Variants in TENM2 observed in about 807,000 individuals in gnomAD.
TENM2 encodes teneurin-2.
TENM2 carries 52 observed loss-of-function variants against 245.2 expected under a neutral mutation model. That is an observed-to-expected ratio of 0.21 (90% confidence interval 0.17 to 0.27). TENM2 has a LOEUF of 0.27. Among genes scored for constraint, TENM2 ranks in the 10% least tolerant of loss-of-function variants. TENM2 has a pLI of 1.00. For synonymous variants in TENM2, 1,363 were observed against 1,438.9 expected, an observed-to-expected ratio of 0.95 and a Z score of 1.19; for missense variants, 3,046 against 3,666.8, an observed-to-expected ratio of 0.83 and a Z score of 4.37.
intron 2 of TENM2, among the ~76,000 whole-genome samples, chr5:167,837,460 G>C (rs1769105306): frequency 6.6e-6 from 1 of 152,120 alleles, no homozygotes; most frequent in Non-Finnish European, 1.5e-5. Flanking sequence ...CCCAGCACTA[G>C]ATGTTAACAT....
At chr5:167,409,158 G>A (rs548677003) in intron 2 of TENM2, among the ~76,000 whole-genome samples, 2 of 151,854 alleles carry the variant, frequency 1.3e-5, no homozygotes, top group South Asian at 4.1e-4. Flanking sequence ...ACTGAGCAAT[G>A]TCACTTGAAA....
chr5:167,206,634 A>G, the TENM2 span, among the ~76,000 whole-genome samples: 301 of 152,326 alleles, frequency 2.0e-3, 1 homozygote, highest in Middle Eastern at 3.4e-3. Context: ...TGTTAAAATA[A>G]GTAGATGCTT....
intron 25 of TENM2, among the ~76,000 whole-genome samples, chr5:168,228,588 A>AGTAT (rs1764481123): frequency 6.9e-6 from 1 of 145,108 alleles, no homozygotes; most frequent in Non-Finnish European, 1.6e-5. Flanking sequence ...AAACTTTTAA[A>AGTAT]GTATGTTCTT....
In TENM2 at chr5:168,083,483, G is replaced by A. The variant is rs762245649; in HGVS notation, c.1516-7091G>A. On this transcript the variant is annotated intron_variant, in intron 7 of 28. Coordinates refer to ENST00000518659, the Ensembl canonical transcript of TENM2. ...TGACAAGCCCCAGTGAGATGAACCC[G>A]GTACCTCAGTTGGAAATGCAGAAAT... 1.7e-4 allele frequency among the ~76,000 whole-genome samples: 26 copies of A among 152,198 alleles called. No individual in the cohort carries two copies. The East Asian group carries it at 3.1e-3, about 18-fold the overall frequency.
rs1461823611 is a variant in TENM2 at position 167,702,555 on chromosome 5, T to TATATATATATATATATATATACATAC, written c.503-173414_503-173413insTATACATACATATATATATATATATA. Reference sequence around the variant, plus strand: ...GTATGTATGTATGTGTGTGTGTGTATATATATATATATATATACATATATA... The same window carrying TATATATATATATATATATATACATAC: ...GTATGTATGTATGTGTGTGTGTGTATATATATATATATATATATATACATACATATATATATATATATACATATATA... On this transcript the variant is annotated intron_variant, in intron 2 of 28. Coordinates refer to ENST00000518659, the Ensembl canonical transcript of TENM2. 2.2e-3 allele frequency among the ~76,000 whole-genome samples: 328 copies of TATATATATATATATATATATACATAC among 145,846 alleles called. 1 individual carries two copies. The highest frequency in any genetic ancestry group is 0.011 in the Middle Eastern group (3 of 266).
the TENM2 span, among the ~76,000 whole-genome samples, chr5:166,986,101 A>G: frequency 1.3e-5 from 2 of 152,296 alleles, no homozygotes; most frequent in African/African-American, 2.4e-5. Flanking sequence ...GTGAGATGAG[A>G]TAAGGTGAGC....
intron 2 of TENM2, among the ~76,000 whole-genome samples, chr5:167,479,871 C>T (rs931027300): frequency 6.6e-6 from 1 of 152,112 alleles, no homozygotes; most frequent in African/African-American, 2.4e-5. Context: ...AGAACAGAAT[C>T]GTGTCTAGGG....
intron 2 of TENM2, among the ~76,000 whole-genome samples, chr5:167,463,249 C>A (rs1766435571): frequency 1.3e-5 from 2 of 152,098 alleles, no homozygotes; most frequent in South Asian, 4.1e-4. Context: ...TGAATGACTA[C>A]TGATAATAGT....
At chr5:167,291,793 T>C (rs979582870) in intron 1 of TENM2, among the ~76,000 whole-genome samples, 8 of 152,210 alleles carry the variant, frequency 5.3e-5, no homozygotes, top group Admixed American at 1.3e-4. Context: ...ACTGGCCTGA[T>C]AACAAATGCT....
At position 167,608,319 on chromosome 5, in the gene TENM2, C is replaced by T. The variant is rs146153522; in HGVS notation, c.502+232846C>T. On this transcript the variant is annotated intron_variant, in intron 2 of 28. Coordinates refer to ENST00000518659, the Ensembl canonical transcript of TENM2. ...GGACTGTCTCTTGTAGCAGGCATCT[C>T]TCCAGGGGAGTGTCTCCCAAACTTT... Among the ~76,000 whole-genome samples, 3 of 152,266 alleles carry T rather than the reference C, an allele frequency of 2.0e-5. No homozygotes were observed. In the East Asian group the frequency reaches 5.8e-4, roughly 29 times the overall value.
At chr5:167,911,869 T>A (rs1413956659) in intron 3 of TENM2, among the ~76,000 whole-genome samples, 1 of 152,180 alleles carries the variant, frequency 6.6e-6, no homozygotes, top group East Asian at 1.9e-4. Flanking sequence ...CTTCCTTTTT[T>A]AATTAACAAA....
chr5:167,402,289 G>T (rs961186485), intron 2 of TENM2, among the ~76,000 whole-genome samples: 41 of 152,090 alleles, frequency 2.7e-4, no homozygotes, highest in African/African-American at 8.9e-4. Flanking sequence ...CATCTTCCTT[G>T]GGTTCTATTC....
rs141229290 is a variant in TENM2, at chr5:167,805,039, A to C, written c.503-70947A>C. On this transcript the variant is annotated intron_variant, in intron 2 of 28. Transcript: ENST00000518659. Reference sequence around the variant, plus strand: ...TTGGTGACTCTGCACCTGGGAATGAAGTTCACCAGGCATCTGTGGTAGAGG... The same window carrying C: ...TTGGTGACTCTGCACCTGGGAATGACGTTCACCAGGCATCTGTGGTAGAGG... 2.4e-4 allele frequency among the ~76,000 whole-genome samples: 37 copies of C among 152,264 alleles called. No homozygotes were observed. In the East Asian group the frequency reaches 3.7e-3, roughly 15 times the overall value.
intron 23 of TENM2, among the ~76,000 whole-genome samples, chr5:168,225,534 G>T (rs1006322782): frequency 6.6e-6 from 1 of 152,146 alleles, no homozygotes; most frequent in Admixed American, 6.5e-5. Flanking sequence ...GCCAAGGCAG[G>T]TGGATCACCT....
At chr5:167,494,658 C>T (rs1562001225) in intron 2 of TENM2, among the ~76,000 whole-genome samples, 1 of 152,044 alleles carries the variant, frequency 6.6e-6, no homozygotes, top group African/African-American at 2.4e-5. Flanking sequence ...ATGAAAAGGA[C>T]TATAATTTCA....
chr5:168,227,193 G>A (rs1033465480), intron 24 of TENM2, among the ~76,000 whole-genome samples: 2 of 152,128 alleles, frequency 1.3e-5, no homozygotes, highest in Non-Finnish European at 2.9e-5. Flanking sequence ...TTTCCTTCCC[G>A]TAACTTTTCG....
intron 2 of TENM2, among the ~76,000 whole-genome samples, chr5:167,847,838 T>G (rs1463535359): frequency 2.0e-5 from 3 of 152,218 alleles, no homozygotes; most frequent in Admixed American, 2.0e-4. Context: ...TATACTGATA[T>G]AAAACTCCAA....
intron 7 of TENM2, among the ~76,000 whole-genome samples, chr5:168,077,175 C>A (rs1217789164): frequency 1.3e-5 from 2 of 152,126 alleles, no homozygotes; most frequent in East Asian, 3.9e-4. Context: ...AGCATCTGAG[C>A]AGTTAGCAAG....
intron 1 of TENM2, among the ~76,000 whole-genome samples, chr5:167,360,528 T>C (rs2127263650): frequency 6.6e-6 from 1 of 152,312 alleles, no homozygotes. Flanking sequence ...GCTGTCTTTC[T>C]GCTCATGGTA....
Sources: allele counts gnomAD v4.1 joint callset (sites outside exome capture counted in the v4.1 genomes callset), GRCh38; gene constraint gnomAD v4.1.1; transcripts MANE v1.5; gene names NCBI Gene and HGNC (gene_info 2026-07-23, HGNC 2026-07-21).